MBP: variants seen among roughly 807,000 people sequenced by gnomAD.
The protein encoded by MBP is Golli-MBP.
In MBP, 16 loss-of-function variants were observed where a neutral mutation model predicts 35.8. The observed-to-expected ratio is 0.45, with a 90% confidence interval of 0.30 to 0.68. The LOEUF is 0.68. Among genes scored for constraint, MBP ranks in the 30% least tolerant of loss-of-function variants. MBP has a pLI of 0.08. For synonymous variants in MBP, 143 were observed against 159.6 expected (o/e 0.90, Z 0.78); for missense variants, 380 against 404.7 (o/e 0.94, Z 0.52).
intron 1 of MBP, among the ~76,000 whole-genome samples, chr18:77,118,251 G>A (rs1258005476): frequency 6.6e-6 from 1 of 151,284 alleles, no homozygotes; most frequent in Non-Finnish European, 1.5e-5. Context: ...GTGGGTTCGG[G>A]AGCAGGAGGC....
Position 76,988,901 on chromosome 18 carries a change from G to A in MBP, c.693C>T (p.Arg231=), listed in dbSNP as rs1265384889. 3 of 1,613,854 alleles carry A rather than the reference G, an allele frequency of 1.9e-6. No homozygotes were observed. The highest frequency in any genetic ancestry group is 2.5e-6 in the Non-Finnish European group (3 of 1,179,918). The change falls in exon 6 of 9, where the codon CGC becomes CGT. Residue 231 remains arginine, a synonymous_variant. Coordinates refer to ENST00000355994, the MANE Select transcript of MBP (RefSeq NM_001025101.2). The surrounding 1 kb of genome is among the most constrained non-coding windows in gnomAD (Gnocchi z 5.2). The part of the protein sequence containing the change: ...VHFFKNIVTP[R]TPPPSQGKGR... ...CCTTTCCCTGCGACGGGGGTGGTGTGCGAGGCGTCACCTGGAAAGACACAG... is the reference window on the plus strand; with the variant it reads ...CCTTTCCCTGCGACGGGGGTGGTGTACGAGGCGTCACCTGGAAAGACACAG...
chr18:77,014,548 C>T (rs1296092595), intron 4 of MBP: 5 of 985,380 alleles, frequency 5.1e-6, no homozygotes, highest in East Asian at 1.1e-4. Context: ...AGGGGCTCTC[C>T]TGATTTGTAA....
intron 3 of MBP, among the ~76,000 whole-genome samples, chr18:77,017,929 T>G (rs1260480629): frequency 2.0e-5 from 3 of 152,190 alleles, no homozygotes; most frequent in Admixed American, 6.5e-5. Flanking sequence ...TCTCATAGCT[T>G]TCTCCAAAAA....
intron 4 of MBP, chr18:77,013,870 A>G (rs1330261990): frequency 1.3e-5 from 13 of 985,432 alleles, no homozygotes; most frequent in Non-Finnish European, 1.6e-5. Flanking sequence ...AAAAGGAAGG[A>G]ACGGTTTCCA....
chr18:76,980,177 C>G lies in MBP; in HGVS notation c.*250G>C. ...CCCACGTGCGTCTGGGGGCACATTG[C>G]GGGGGAAGGAACGTGATCTTCACAC... On this transcript the variant is annotated 3_prime_UTR_variant, in exon 9 of 9. Transcript: ENST00000355994. The G allele has an allele frequency of 1.6e-6, 1 of 635,632 alleles. No individual in the cohort carries two copies. Among genetic ancestry groups the G allele is most frequent in the Non-Finnish European group, 2.8e-6 (1 of 355,150 alleles). 39.4% of individuals were successfully genotyped at this position (635,632 alleles called of 1,614,324 possible).
chr18:76,982,322 T>C (rs549824788), intron 8 of MBP: 13 of 152,348 alleles, frequency 8.5e-5, no homozygotes, highest in African/African-American at 3.1e-4. Context: ...CAGGTCAGTA[T>C]AAGGCTGAAC....
chr18:77,000,858 T>G (rs1970592192), intron 4 of MBP, among the ~76,000 whole-genome samples: 1 of 152,214 alleles, frequency 6.6e-6, no homozygotes, highest in Admixed American at 6.5e-5. Flanking sequence ...GGCCAAGGCA[T>G]TTCTTGGCAG....
chr18:76,993,695 C>G lies in MBP; in HGVS notation c.577-3635G>C, dbSNP rs565162709. ...ATTCCTGATGAGACTGTCAACCTCC[C>G]TCAGGCACAGAGCGCAGCTCCCATA... On this transcript the variant is annotated intron_variant, in intron 4 of 8. Coordinates refer to ENST00000355994, the MANE Select transcript of MBP (RefSeq NM_001025101.2). 3.9e-4 allele frequency among the ~76,000 whole-genome samples: 59 copies of G among 152,302 alleles called. 1 individual carries two copies. Among genetic ancestry groups the G allele is most frequent in the Middle Eastern group, 3.4e-3 (1 of 294 alleles).
At chr18:77,043,759 C>T (rs4890883) in intron 3 of MBP, among the ~76,000 whole-genome samples, 126,195 of 152,126 alleles carry the variant, frequency 0.83, 53,042 homozygotes, top group Middle Eastern at 0.9. Flanking sequence ...TAAAACTTTC[C>T]CAGGGGAGCC....
At chr18:77,011,170 A>G (rs186304599) in intron 4 of MBP, among the ~76,000 whole-genome samples, 7 of 152,276 alleles carry the variant, frequency 4.6e-5, no homozygotes, top group Admixed American at 3.3e-4. Flanking sequence ...GAGAGAGGCT[A>G]TTTCTAGGTT....
In MBP at chr18:77,082,087, T is replaced by C. The variant is rs113460727; in HGVS notation, c.52-15702A>G. 2.8e-3 allele frequency among the ~76,000 whole-genome samples: 429 copies of C among 151,812 alleles called. 3 individuals carry two copies. Among genetic ancestry groups the C allele is most frequent in the Admixed American group, 6.4e-3 (98 of 15,260 alleles). ...CGGGATGGTTTCGATCTCCTGACCT[T>C]GTGATCCGCCCGCCTCGGCCTCCCA... On this transcript the variant is annotated intron_variant, in intron 2 of 8. Coordinates refer to ENST00000355994, the MANE Select transcript of MBP (RefSeq NM_001025101.2).
chr18:77,007,927 A>AT (rs887277884), intron 4 of MBP, among the ~76,000 whole-genome samples: 3 of 152,040 alleles, frequency 2.0e-5, no homozygotes, highest in Non-Finnish European at 2.9e-5. Context: ...CTGCTAAATA[A>AT]TTTTTTTTAG....
intron 4 of MBP, chr18:77,014,561 A>G (rs1231300882): frequency 1.8e-5 from 18 of 985,360 alleles, no homozygotes; most frequent in African/African-American, 3.5e-5. Flanking sequence ...ATTTGTAAAC[A>G]GAACAACAAA....
At chr18:77,107,128 T>G (rs1976303856) in intron 1 of MBP, among the ~76,000 whole-genome samples, 1 of 152,198 alleles carries the variant, frequency 6.6e-6, no homozygotes, top group Non-Finnish European at 1.5e-5. Context: ...TGGACACACA[T>G]TATAGAATAA....
chr18:77,083,629 T>C (rs1789127), intron 2 of MBP, among the ~76,000 whole-genome samples: 115,762 of 152,138 alleles, frequency 0.76, 44,523 homozygotes, highest in East Asian at 0.83. Flanking sequence ...GTGGTATATC[T>C]ATACAATGGA....
Position 77,023,513 on chromosome 18 carries a change from C to T in MBP, c.140-6245G>A, listed in dbSNP as rs183086872. ...GGCTAATTCCCTCATCTCCAGGATC[C>T]CTTCGTGGGTTCCACTGCCTGCACA... On this transcript the variant is annotated intron_variant, in intron 3 of 8. Coordinates refer to ENST00000355994, the MANE Select transcript of MBP (RefSeq NM_001025101.2). Among the ~76,000 whole-genome samples the T allele has an allele frequency of 1.3e-3, 200 of 152,266 alleles. 1 individual carries two copies. The highest frequency in any genetic ancestry group is 1.9e-3 in the Non-Finnish European group (130 of 68,032).
In MBP at chr18:77,068,958, C is replaced by G. The variant is rs746637110; in HGVS notation, c.52-2573G>C. 8.6e-6 allele frequency: 4 copies of G among 466,548 alleles called. 1 individual carries two copies. The highest frequency in any genetic ancestry group is 6.1e-5 in the South Asian group (4 of 65,248). The allele number at this position is 466,548 out of a possible 1,614,324, so 28.9% of individuals were successfully genotyped here. A position where few individuals can be genotyped will look rare whatever the true frequency, so the allele number is the denominator to read the frequency against. On this transcript the variant is annotated intron_variant, in intron 2 of 8. Coordinates refer to ENST00000355994, the MANE Select transcript of MBP (RefSeq NM_001025101.2). ...GAGCTGAGCCTTGGGGGCCTCACCT[C>G]GGGGACTCTGACCTCACCTCGGGGC...
chr18:77,041,499 T>G (rs1972988134), intron 3 of MBP, among the ~76,000 whole-genome samples: 1 of 152,098 alleles, frequency 6.6e-6, no homozygotes, highest in East Asian at 1.9e-4. Context: ...TGTGGCACTA[T>G]TCACAATAGC....
At chr18:77,064,493 G>A (rs952413672) in intron 3 of MBP, among the ~76,000 whole-genome samples, 1 of 152,154 alleles carries the variant, frequency 6.6e-6, no homozygotes, top group Non-Finnish European at 1.5e-5. Flanking sequence ...TCTAGTAAAG[G>A]AGTCCTCATT....
Sources: allele counts gnomAD v4.1 joint callset (sites outside exome capture counted in the v4.1 genomes callset), GRCh38; gene constraint gnomAD v4.1.1; non-coding constraint Gnocchi (gnomAD v3.1); transcripts MANE v1.5; gene names NCBI Gene and HGNC (gene_info 2026-07-23, HGNC 2026-07-21).